The following KLC1 variants were observed in gnomAD, a reference collection of about 807,000 sequenced individuals.
KLC1 encodes the protein kinesin light chain 1, also known as kinesin 2 60/70kDa.
A neutral mutation model predicts 84.2 loss-of-function variants in KLC1; 30 were observed. The ratio of observed to expected loss-of-function variants is 0.36; its 90% CI spans 0.27 to 0.48. The LOEUF (loss-of-function observed/expected upper bound fraction) is 0.48, where lower values mean the gene tolerates loss of function less well. Among genes scored for constraint, KLC1 ranks in the 20% least tolerant of loss-of-function variants. The pLI is 0.99. For missense variants in KLC1, 499 were observed against 805.4 expected (o/e 0.62, Z 4.60); for synonymous variants, 289 against 293.3 (o/e 0.99, Z 0.15).
At chr14:103,679,570 G>T in intron 13 of KLC1, 25 bp downstream of exon 13, 1 of 1,582,766 alleles carries the variant, frequency 6.3e-7, no homozygotes, top group Non-Finnish European at 8.7e-7. Flanking sequence ...CAGCGGGCAC[G>T]TGCTCCGGGA....
At chr14:103,698,654 T>C in intron 15 of KLC1, 1 of 745,506 alleles carries the variant, frequency 1.3e-6, no homozygotes, top group Non-Finnish European at 2.3e-6. Flanking sequence ...CATCTTCGGA[T>C]GAGAAAGTGG....
intron 1 of KLC1, among the ~76,000 whole-genome samples, chr14:103,642,103 T>C (rs2077538114): frequency 6.6e-6 from 1 of 152,104 alleles, no homozygotes; most frequent in Non-Finnish European, 1.5e-5. Context: ...GCTAATTTTG[T>C]ATTTTTAGTA....
At chr14:103,643,159 A>G (rs1300639697) in intron 1 of KLC1, among the ~76,000 whole-genome samples, 2 of 152,244 alleles carry the variant, frequency 1.3e-5, no homozygotes, top group Non-Finnish European at 1.5e-5. Context: ...AAATAATTAC[A>G]TTAATAAATG....
chr14:103,665,233 T>C (rs1300377238), intron 5 of KLC1, among the ~76,000 whole-genome samples: 1 of 152,032 alleles, frequency 6.6e-6, no homozygotes, highest in Admixed American at 6.6e-5. Context: ...TGATTGGTTG[T>C]AGAGATGGAG....
intron 5 of KLC1, among the ~76,000 whole-genome samples, chr14:103,663,903 A>G (rs1471348924): frequency 6.6e-6 from 1 of 152,192 alleles, no homozygotes; most frequent in African/African-American, 2.4e-5. Flanking sequence ...AAATGCGGTG[A>G]TATGACTACC....
Position 103,666,180 on chromosome 14 carries a change from C to T in KLC1, c.797+3253C>T, listed in dbSNP as rs545226063. 1.5e-3 allele frequency among the ~76,000 whole-genome samples: 235 copies of T among 152,268 alleles called. 1 individual carries two copies. The highest frequency in any genetic ancestry group is 3.0e-3 in the Non-Finnish European group (203 of 68,004). On this transcript the variant is annotated intron_variant, in intron 5 of 16. Transcript: ENST00000334553. Reference sequence around the variant, plus strand: ...CCGGGTTCACGCCATTCTCCTGCCTCAGCCTCCCGAGTAGCTGGGACTACA... The same window carrying T: ...CCGGGTTCACGCCATTCTCCTGCCTTAGCCTCCCGAGTAGCTGGGACTACA...
intron 1 of KLC1, among the ~76,000 whole-genome samples, chr14:103,638,833 CA>C (rs1272062169): frequency 6.6e-6 from 1 of 151,014 alleles, no homozygotes; most frequent in Non-Finnish European, 1.5e-5. Context: ...TATGTATGAA[CA>C]TAGGGGTGTG....
intron 15 of KLC1, chr14:103,696,092 GCCCCC>G: frequency 1.3e-6 from 1 of 761,612 alleles, no homozygotes; most frequent in Non-Finnish European, 1.5e-6. Context: ...TAATCACTGC[GCCCCC>G]GCCCCCCGCC....
At position 103,691,198 on chromosome 14, in the gene KLC1, G is replaced by A. The variant is rs148018790; in HGVS notation, c.1782-1161G>A. On this transcript the variant is annotated intron_variant, in intron 14 of 16. Coordinates refer to ENST00000334553, the MANE Select transcript of KLC1 (RefSeq NM_001394837.1). ...TTCTGAGACAGAGTCTTGCTGTGTC[G>A]CCCAGGCTGGACTACAGTGGAGTGA... 5.3e-4 allele frequency among the ~76,000 whole-genome samples: 75 copies of A among 140,466 alleles called. 1 individual carries two copies. In the East Asian group the frequency reaches 0.013, roughly 24 times the overall value. 92.2% of individuals were successfully genotyped at this position (140,466 alleles called of 152,430 possible).
At chr14:103,641,979 G>A (rs1004910027) in intron 1 of KLC1, among the ~76,000 whole-genome samples, 1 of 152,050 alleles carries the variant, frequency 6.6e-6, no homozygotes, top group Non-Finnish European at 1.5e-5. Flanking sequence ...CGCCCAGGCT[G>A]GAGTGCAGTG....
intron 4 of KLC1, 147 bp from the exon 5 acceptor site, chr14:103,662,555 G>A: frequency 1.5e-6 from 1 of 649,378 alleles, no homozygotes; most frequent in Non-Finnish European, 2.6e-6. Context: ...TACCCTGCCT[G>A]CCCAGACAGT....
chr14:103,694,724 A>G lies in KLC1; in HGVS notation c.1848+2299A>G. The G allele has an allele frequency of 2.0e-6, 2 of 985,434 alleles. No homozygotes were observed. The highest frequency in any genetic ancestry group is 2.4e-6 in the Non-Finnish European group (2 of 829,928). 61.0% of individuals were successfully genotyped at this position (985,434 alleles called of 1,614,324 possible). A position where few individuals can be genotyped will look rare whatever the true frequency, so the allele number is the denominator to read the frequency against. On this transcript the variant is annotated intron_variant, in intron 15 of 16. Transcript: ENST00000334553. This position sits in a 1 kb window ranked among gnomAD's most constrained non-coding sequence, Gnocchi z 4.5. ...CGTGAAAGCTCAGCTTGCCACTGTC[A>G]TGTAACAGGGTGGGTGGTGGCACAG... is the stretch of plus-strand genomic sequence containing the variant.
chr14:103,684,815 CTACTG>C lies in KLC1; in HGVS notation c.1651-2263_1651-2259del, dbSNP rs1158888234. On this transcript the variant is annotated intron_variant, in intron 13 of 16. Coordinates refer to ENST00000334553, the MANE Select transcript of KLC1 (RefSeq NM_001394837.1). ...GCATTTAGTTGAGGTGTATTATAAACTACTGTAGTGTAGCGCTGAGTTTTGAAATG... is the reference window on the plus strand; with the variant it reads ...GCATTTAGTTGAGGTGTATTATAAACTAGTGTAGCGCTGAGTTTTGAAATG... 14 of 614,980 alleles carry C rather than the reference CTACTG, an allele frequency of 2.3e-5. No individual in the cohort carries two copies. In the East Asian group the frequency reaches 3.6e-4, roughly 16 times the overall value. The allele number at this position is 614,980 out of a possible 1,614,324, so 38.1% of individuals were successfully genotyped here.
intron 1 of KLC1, among the ~76,000 whole-genome samples, chr14:103,636,692 A>T (rs1275993254): frequency 1.3e-5 from 2 of 151,394 alleles, no homozygotes; most frequent in African/African-American, 4.9e-5. Flanking sequence ...AAAAAATTGG[A>T]TTGTTTGTAT....
intron 1 of KLC1, 113 bp from the exon 2 acceptor site, chr14:103,654,451 A>G (rs542493827): frequency 1.3e-6 from 1 of 743,322 alleles, no homozygotes; most frequent in Admixed American, 3.3e-5. Flanking sequence ...ACAAATGTGC[A>G]TATTTATTAT....
chr14:103,699,076 C>T (rs2082853024), intron 15 of KLC1: 1 of 1,563,060 alleles, frequency 6.4e-7, no homozygotes, highest in Non-Finnish European at 8.7e-7. Context: ...CCCACTTCGG[C>T]CCAGCTGTGC....
At chr14:103,630,104 T>G (rs1218648540) in intron 1 of KLC1, among the ~76,000 whole-genome samples, 3 of 152,206 alleles carry the variant, frequency 2.0e-5, no homozygotes, top group African/African-American at 7.2e-5. Flanking sequence ...GACCCCTTAT[T>G]TTCAGTAACC....
At position 103,654,512 on chromosome 14, in the gene KLC1, G is replaced by T. The variant is rs138839938; in HGVS notation, c.-1-52G>T. The T allele has an allele frequency of 3.5e-4, 517 of 1,469,198 alleles. 2 individuals carry two copies. The African/African-American group carries it at 5.8e-3, about 17-fold the overall frequency. The allele number at this position is 1,469,198 out of a possible 1,614,324, so 91.0% of individuals were successfully genotyped here. A position where few individuals can be genotyped will look rare whatever the true frequency, so the allele number is the denominator to read the frequency against. ...ATTTTCATATTTACTTGATGTAACA[G>T]AAATGAAACCTGTAATGAGGGATCT... On this transcript the variant is annotated intron_variant, in intron 1 of 16. Transcript: ENST00000334553.
chr14:103,639,322 G>T (rs1450096506), intron 1 of KLC1, among the ~76,000 whole-genome samples: 3 of 151,942 alleles, frequency 2.0e-5, no homozygotes, highest in African/African-American at 7.3e-5. Context: ...GTAGAGATGG[G>T]GTTTCACCAT....
Sources: gnomAD v4.1 joint callset for allele counts (sites outside exome capture counted in the v4.1 genomes callset) on GRCh38, gnomAD v4.1.1 for gene constraint, Gnocchi (gnomAD v3.1) non-coding constraint, MANE v1.5 for transcripts, NCBI Gene and HGNC (gene_info 2026-07-23, HGNC 2026-07-21) for gene names.